The following RBFOX1 variants were observed in gnomAD, a reference collection of about 807,000 sequenced individuals.
RBFOX1 encodes RNA binding fox-1 homolog 1, also known as RNA binding protein fox-1 homolog 1.
In RBFOX1, 8 loss-of-function variants were observed where a neutral mutation model predicts 57.7. The ratio of observed to expected loss-of-function variants is 0.14; its 90% CI spans 0.08 to 0.25. The LOEUF (loss-of-function observed/expected upper bound fraction) is 0.25. Among genes scored for constraint, RBFOX1 ranks in the 10% least tolerant of loss-of-function variants. The pLI is 1.00. For missense variants in RBFOX1, 611 were observed against 548.5 expected (o/e 1.11, Z -1.14); for synonymous variants, 326 against 222.4 (o/e 1.47, Z -4.15).
chr16:7,151,238 G>T (rs1453953739), intron 4 of RBFOX1, among the ~76,000 whole-genome samples: 1 of 152,192 alleles, frequency 6.6e-6, no homozygotes, highest in African/African-American at 2.4e-5. Context: ...CATAGAATGG[G>T]AGATGGGCCA....
At chr16:7,005,032 T>C (rs749625790) in intron 3 of RBFOX1, among the ~76,000 whole-genome samples, 1 of 152,126 alleles carries the variant, frequency 6.6e-6, no homozygotes, top group Non-Finnish European at 1.5e-5. Context: ...TTATCCCAGC[T>C]ACTTGGGAGG....
intron 1 of RBFOX1, among the ~76,000 whole-genome samples, chr16:6,194,490 C>T (rs762800249): frequency 6.6e-6 from 1 of 152,148 alleles, no homozygotes; most frequent in African/African-American, 2.4e-5. Flanking sequence ...CAAGAACAGC[C>T]TATTTACAGT....
intron 2 of RBFOX1, among the ~76,000 whole-genome samples, chr16:5,490,159 G>T (rs939410217): frequency 1.3e-5 from 2 of 152,244 alleles, no homozygotes; most frequent in African/African-American, 4.8e-5. Flanking sequence ...TCTTTCTGTG[G>T]CCACGCAGTG....
Position 6,506,077 on chromosome 16 carries a change from C to G in RBFOX1, c.-63-148526C>G, listed in dbSNP as rs377092563. Among the ~76,000 whole-genome samples, 3 of 152,128 alleles carry G rather than the reference C, an allele frequency of 2.0e-5. No homozygotes were observed. The East Asian group carries it at 5.8e-4, about 29-fold the overall frequency. On this transcript the variant is annotated intron_variant, in intron 2 of 15. Transcript: ENST00000550418. ...TAGCAAAGCAGTTAGCAAAGGTGCA[C>G]CCTTGCATATATCCAGACATGCCCT...
At chr16:7,501,525 C>A (rs2070860878) in intron 4 of RBFOX1, among the ~76,000 whole-genome samples, 1 of 152,200 alleles carries the variant, frequency 6.6e-6, no homozygotes, top group South Asian at 2.1e-4. Flanking sequence ...GCTTTACAAT[C>A]CAGTAGCCTC....
chr16:7,025,327 C>G (rs756870413), intron 3 of RBFOX1, among the ~76,000 whole-genome samples: 2 of 152,142 alleles, frequency 1.3e-5, no homozygotes, highest in Admixed American at 6.5e-5. Flanking sequence ...AGGTCCCTCT[C>G]AGGGCCATCT....
chr16:6,962,341 A>G (rs976009828), intron 3 of RBFOX1, among the ~76,000 whole-genome samples: 7 of 152,174 alleles, frequency 4.6e-5, no homozygotes, highest in Non-Finnish European at 1.0e-4. Context: ...TGACATCTGC[A>G]AAGATCCTAC....
chr16:5,773,972 C>T (rs959622788), intron 3 of RBFOX1, among the ~76,000 whole-genome samples: 15 of 152,102 alleles, frequency 9.9e-5, no homozygotes, highest in Admixed American at 9.8e-4. Context: ...GATTATAGGC[C>T]TGAGCCACCA....
intron 3 of RBFOX1, among the ~76,000 whole-genome samples, chr16:6,771,274 C>G (rs1454557362): frequency 6.6e-6 from 1 of 152,160 alleles, no homozygotes; most frequent in Non-Finnish European, 1.5e-5. Flanking sequence ...GTTGTTTAAG[C>G]CACACAGTCT....
intron 3 of RBFOX1, among the ~76,000 whole-genome samples, chr16:6,695,826 G>C (rs2060960523): frequency 6.6e-6 from 1 of 152,166 alleles, no homozygotes; most frequent in Admixed American, 6.5e-5. Flanking sequence ...TTGTTTGTTG[G>C]TTTTGTTTTC....
intron 3 of RBFOX1, among the ~76,000 whole-genome samples, chr16:6,792,664 A>G (rs779547308): frequency 1.3e-5 from 2 of 152,020 alleles, no homozygotes; most frequent in Non-Finnish European, 2.9e-5. Flanking sequence ...TGTCTTTTTC[A>G]TTTCTGGTTT....
At chr16:7,157,124 A>T (rs561813508) in intron 4 of RBFOX1, among the ~76,000 whole-genome samples, 1 of 152,280 alleles carries the variant, frequency 6.6e-6, no homozygotes, top group South Asian at 2.1e-4. Flanking sequence ...GGAGAAAGCA[A>T]TCGTATTCTC....
rs562383453 is a variant in RBFOX1 at position 5,580,594 on chromosome 16, G to A, written c.259-18308G>A. Among the ~76,000 whole-genome samples the A allele has an allele frequency of 2.6e-5, 4 of 152,300 alleles. No homozygotes were observed. In the East Asian group the frequency reaches 7.7e-4, roughly 29 times the overall value. Reference sequence around the variant, plus strand: ...TGCTTCAACGCTGGTTGTTCCCTTTGTGAGGCTTCAGCCTTCAAACATCTG... The same window carrying A: ...TGCTTCAACGCTGGTTGTTCCCTTTATGAGGCTTCAGCCTTCAAACATCTG... On this transcript the variant is annotated intron_variant, in intron 2 of 2. Transcript: ENST00000585867.
chr16:6,409,572 G>A (rs2093392687), intron 2 of RBFOX1, among the ~76,000 whole-genome samples: 1 of 152,006 alleles, frequency 6.6e-6, no homozygotes, highest in Admixed American at 6.6e-5. Flanking sequence ...AAAAGTTGTG[G>A]GATTTTTTTA....
chr16:5,848,456 A>G (rs1047092766), intron 3 of RBFOX1, among the ~76,000 whole-genome samples: 9 of 152,276 alleles, frequency 5.9e-5, no homozygotes, highest in Admixed American at 2.0e-4. Context: ...CACAAATATG[A>G]TTCCAGGTCA....
At chr16:6,174,397 C>T (rs997645631) in intron 1 of RBFOX1, among the ~76,000 whole-genome samples, 6 of 152,146 alleles carry the variant, frequency 3.9e-5, no homozygotes, top group Non-Finnish European at 7.3e-5. Context: ...GAGTTCAAGA[C>T]TAGCCTGGCC....
rs1327152948 is a variant in RBFOX1 at position 7,117,502 on chromosome 16, T to C, written c.27+65404T>C. Reference sequence around the variant, plus strand: ...ATGTGTGAGTTTAGGAAAATATCTATTAACTTACCACCAATTACTTAATGT... The same window carrying C: ...ATGTGTGAGTTTAGGAAAATATCTACTAACTTACCACCAATTACTTAATGT... On this transcript the variant is annotated intron_variant, in intron 4 of 15. Transcript: ENST00000550418. Among the ~76,000 whole-genome samples, 3 of 152,088 alleles carry C rather than the reference T, an allele frequency of 2.0e-5. No homozygotes were observed. In the East Asian group the frequency reaches 5.8e-4, roughly 29 times the overall value.
intron 4 of RBFOX1, among the ~76,000 whole-genome samples, chr16:7,107,228 T>C (rs1399206254): frequency 1.3e-5 from 2 of 152,112 alleles, no homozygotes; most frequent in Non-Finnish European, 2.9e-5. Flanking sequence ...TGGTGGGTAT[T>C]AAACCTGTGG....
chr16:7,642,634 T>G (rs1323971747), intron 11 of RBFOX1, among the ~76,000 whole-genome samples: 1 of 152,204 alleles, frequency 6.6e-6, no homozygotes, highest in East Asian at 1.9e-4. Flanking sequence ...GATTTAACAA[T>G]TGAAACTTCA....
Sources: gnomAD v4.1 joint callset for allele counts (sites outside exome capture counted in the v4.1 genomes callset) on GRCh38, gnomAD v4.1.1 for gene constraint, MANE v1.5 for transcripts, NCBI Gene and HGNC (gene_info 2026-07-23, HGNC 2026-07-21) for gene names.